Variants in TNFRSF1A observed in about 807,000 individuals in gnomAD.
TNFRSF1A encodes TNF receptor superfamily member 1A.
In TNFRSF1A, 9 loss-of-function variants were observed where a neutral mutation model predicts 41.6. That is an observed-to-expected ratio of 0.22 (90% confidence interval 0.13 to 0.38). TNFRSF1A has a LOEUF of 0.38. Among genes scored for constraint, TNFRSF1A ranks in the 10% least tolerant of loss-of-function variants. TNFRSF1A has a pLI of 1.00. For missense variants in TNFRSF1A, 463 were observed against 591.5 expected (o/e 0.78, Z 2.25); for synonymous variants, 254 against 248.6 (o/e 1.02, Z -0.21).
Position 6,329,874 on chromosome 12 carries a change from C to T in TNFRSF1A, c.961G>A (p.Ala321Thr). 6.3e-7 allele frequency: 1 copy of T among 1,592,536 alleles called. No homozygotes were observed. The highest frequency in any genetic ancestry group is 8.6e-7 in the Non-Finnish European group (1 of 1,169,270). The change falls in exon 9 of 10, where the codon GCT becomes ACT. Residue 321 changes from alanine to threonine, a missense_variant. Coordinates refer to ENST00000162749, the MANE Select transcript of TNFRSF1A (RefSeq NM_001065.4). Reference sequence around the variant, plus strand: ...AGGGCTGTCGCAAGGATGGGGTCAGCCCCCTGATAGGGTGGTGCCACCTCT... The same window carrying T: ...AGGGCTGTCGCAAGGATGGGGTCAGTCCCCTGATAGGGTGGTGCCACCTCT... ...RREVAPPYQG[A>T]DPILATALAS...
Position 6,335,119 on chromosome 12 carries a change from T to C in TNFRSF1A, c.40-875A>G, listed in dbSNP as rs75534229. ...TCCCGTGAGCACCACTCCTGGGGAGTGGACAGAAGAAGGAAGTTTATTTAC... is the reference window on the plus strand; with the variant it reads ...TCCCGTGAGCACCACTCCTGGGGAGCGGACAGAAGAAGGAAGTTTATTTAC... On this transcript the variant is annotated intron_variant, in intron 1 of 9. Transcript: ENST00000162749. Among the ~76,000 whole-genome samples the C allele has an allele frequency of 9.8e-3, 1,488 of 151,860 alleles. 14 individuals are homozygous for C. Among genetic ancestry groups the C allele is most frequent in the Middle Eastern group, 0.017 (5 of 294 alleles).
rs200194581 is a variant in TNFRSF1A at position 6,333,360 on chromosome 12, C to T, written c.472+7G>A. The T allele has an allele frequency of 1.2e-5, 19 of 1,612,882 alleles. No individual in the cohort carries two copies. Among genetic ancestry groups the T allele is most frequent in the East Asian group, 4.5e-5 (2 of 44,846 alleles). Reference sequence around the variant, plus strand: ...AGAGGGCTTGGCCTCAGGAGAGCTGCGCTCACAGGAGAGGTGCACGGTCCC... The same window carrying T: ...AGAGGGCTTGGCCTCAGGAGAGCTGTGCTCACAGGAGAGGTGCACGGTCCC... On this transcript the variant is annotated splice_region_variant and intron_variant, in intron 4 of 9. Transcript: ENST00000162749. This position sits in a 1 kb window ranked among gnomAD's most constrained non-coding sequence, Gnocchi z 6.3.
Position 6,341,230 on chromosome 12 carries a change from C to G in TNFRSF1A, c.39+546G>C, listed in dbSNP as rs980605698. On this transcript the variant is annotated intron_variant, in intron 1 of 9. Transcript: ENST00000162749. The surrounding 1 kb of genome is among the most constrained non-coding windows in gnomAD (Gnocchi z 4.6). ...TCCCACCATGAGCATCCCAAACCCA[C>G]CACACCAGCCCATCCCCACTCCTCA... is the stretch of plus-strand genomic sequence containing the variant. 5.3e-5 allele frequency among the ~76,000 whole-genome samples: 8 copies of G among 152,158 alleles called. No individual in the cohort carries two copies. The highest frequency in any genetic ancestry group is 4.4e-5 in the Non-Finnish European group (3 of 68,014).
chr12:6,341,703 C>T lies in TNFRSF1A; in HGVS notation c.39+73G>A. On this transcript the variant is annotated intron_variant, in intron 1 of 9. Coordinates refer to ENST00000162749, the MANE Select transcript of TNFRSF1A (RefSeq NM_001065.4). The surrounding 1 kb of genome is among the most constrained non-coding windows in gnomAD (Gnocchi z 4.6). ...CCGGGCAGGAGAGGCTCGGCCCCCT[C>T]CCGGAGAGGGCCCACGCCAGCCGGA... The T allele has an allele frequency of 1.3e-6, 2 of 1,584,220 alleles. No homozygotes were observed. The highest frequency in any genetic ancestry group is 1.1e-5 in the South Asian group (1 of 89,732).
chr12:6,333,086 C>T lies in TNFRSF1A; in HGVS notation c.534G>A (p.Glu178=), dbSNP rs371565932. 1 of 1,614,206 alleles carries T rather than the reference C, an allele frequency of 6.2e-7. No homozygotes were observed. Among genetic ancestry groups the T allele is most frequent in the Non-Finnish European group, 8.5e-7 (1 of 1,180,034 alleles). The change falls in exon 5 of 10, where the codon GAG becomes GAA. Residue 178 remains glutamate (E), a synonymous_variant. Transcript: ENST00000162749. This position sits in a 1 kb window ranked among gnomAD's most constrained non-coding sequence, Gnocchi z 6.3. The part of the protein sequence containing the change: ...CHAGFFLREN[E]CVSCSNCKKS... ...ATACTCACTTACTACAGGAGACACA[C>T]TCGTTTTCTCTTAGAAAGAAACCTG...
intron 1 of TNFRSF1A, among the ~76,000 whole-genome samples, chr12:6,335,804 A>T (rs1478778004): frequency 1.3e-5 from 2 of 152,158 alleles, no homozygotes; most frequent in African/African-American, 2.4e-5. Context: ...TGAGTCAGCC[A>T]CGGGGAGACG....
rs1370016336 is a variant in TNFRSF1A, at chr12:6,341,460, C to G, written c.39+316G>C. 6.6e-6 allele frequency among the ~76,000 whole-genome samples: 1 copy of G among 152,272 alleles called. No homozygotes were observed. The highest frequency in any genetic ancestry group is 1.5e-5 in the Non-Finnish European group (1 of 68,054). On this transcript the variant is annotated intron_variant, in intron 1 of 9. Coordinates refer to ENST00000162749, the MANE Select transcript of TNFRSF1A (RefSeq NM_001065.4). The surrounding 1 kb of genome is among the most constrained non-coding windows in gnomAD (Gnocchi z 4.6). The stretch of plus-strand genomic sequence containing the variant: ...CTTCTTTTCCCCGCCAAATCTGCCC[C>G]ACCCTGGGCCTATCTCCTGCCCACA...
rs1186624609 is a variant in TNFRSF1A, at chr12:6,341,513, C to T, written c.39+263G>A. ...CCCTTGGCCGCCCACAAACTTCCAC[C>T]GCTGTCAGGGGCCAGGGCTTCCTTT... On this transcript the variant is annotated intron_variant, in intron 1 of 9. Transcript: ENST00000162749. The surrounding 1 kb of genome is among the most constrained non-coding windows in gnomAD (Gnocchi z 4.6). Among the ~76,000 whole-genome samples the T allele has an allele frequency of 2.0e-5, 3 of 152,372 alleles. No individual in the cohort carries two copies. The highest frequency in any genetic ancestry group is 3.9e-4 in the East Asian group (2 of 5,186).
At position 6,333,069 on chromosome 12, in the gene TNFRSF1A, T is replaced by G; in HGVS notation, c.551A>C (p.Asn184Thr). ...LRENECVSCS[N>T]CKKSLECTKL... is the part of the protein sequence containing the mutation. ...CCCAGCAGCTCTCAGAGATACTCACTTACTACAGGAGACACACTCGTTTTC... is the reference window on the plus strand; with the variant it reads ...CCCAGCAGCTCTCAGAGATACTCACGTACTACAGGAGACACACTCGTTTTC... Residue 184 changes from asparagine to threonine, a missense_variant and splice_region_variant, in exon 5 of 10, where the codon AAC becomes ACC. Physicochemically the swap from Asn to Thr is moderately conservative, Grantham distance 65. Around this residue, in one of 4 missense-constraint regions of TNFRSF1A, gnomAD observed 149 missense variants for 239.4 expected, o/e 0.62. Transcript: ENST00000162749. This position sits in a 1 kb window ranked among gnomAD's most constrained non-coding sequence, Gnocchi z 6.3. 6.2e-7 allele frequency: 1 copy of G among 1,613,894 alleles called. No individual in the cohort carries two copies. The highest frequency in any genetic ancestry group is 2.2e-5 in the East Asian group (1 of 44,878).
rs1015240240 is a variant in TNFRSF1A at position 6,330,379 on chromosome 12, G to A, written c.740-84C>T. The A allele has an allele frequency of 5.2e-6, 7 of 1,339,490 alleles. No homozygotes were observed. The South Asian group carries it at 5.9e-5, about 11-fold the overall frequency. The allele number at this position is 1,339,490 out of a possible 1,614,324, so 83.0% of individuals were successfully genotyped here. ...TGGACTCAGCTGGCAGTGGGGACTTGTGGTGACATGCCTCAGGGCCTATGT... is the reference window on the plus strand; with the variant it reads ...TGGACTCAGCTGGCAGTGGGGACTTATGGTGACATGCCTCAGGGCCTATGT... On this transcript the variant is annotated intron_variant, in intron 7 of 9. Coordinates refer to ENST00000162749, the MANE Select transcript of TNFRSF1A (RefSeq NM_001065.4).
Position 6,329,752 on chromosome 12 carries a change from C to T in TNFRSF1A, c.1057+26G>A, listed in dbSNP as rs200026023. On this transcript the variant is annotated intron_variant, in intron 9 of 9. Coordinates refer to ENST00000162749, the MANE Select transcript of TNFRSF1A (RefSeq NM_001065.4). ...TCCCCCGGCCCTCCCCCAGCCTCCT[C>T]GTCTCCAGCCGCGGGAGAAACTCAC... The T allele has an allele frequency of 3.2e-4, 505 of 1,586,692 alleles. 1 individual carries two copies. Among genetic ancestry groups the T allele is most frequent in the Non-Finnish European group, 6.0e-5 (70 of 1,166,796 alleles).
intron 6 of TNFRSF1A, 32 bp downstream of exon 6, chr12:6,330,821 G>A (rs762013205): frequency 6.2e-7 from 1 of 1,605,682 alleles, no homozygotes; most frequent in Admixed American, 1.7e-5. Context: ...GAGAGGGCAG[G>A]TGAGCATGGG....
intron 5 of TNFRSF1A, among the ~76,000 whole-genome samples, chr12:6,332,177 A>T (rs1948058826): frequency 6.6e-6 from 1 of 152,064 alleles, no homozygotes; most frequent in Non-Finnish European, 1.5e-5. Context: ...GTGGTGGCTC[A>T]TGCCCGTAAT....
In TNFRSF1A at chr12:6,334,025, G is replaced by A; in HGVS notation, c.193+66C>T. 6.2e-7 allele frequency: 1 copy of A among 1,611,784 alleles called. No individual in the cohort carries two copies. Among genetic ancestry groups the A allele is most frequent in the Non-Finnish European group, 8.5e-7 (1 of 1,177,968 alleles). Reference sequence around the variant, plus strand: ...ACAGCAAAGTTAGGGAAGAACAACTGGAAGAAGCAGAGAAAGAAGCAGCAC... The same window carrying A: ...ACAGCAAAGTTAGGGAAGAACAACTAGAAGAAGCAGAGAAAGAAGCAGCAC... On this transcript the variant is annotated intron_variant, in intron 2 of 9. Coordinates refer to ENST00000162749, the MANE Select transcript of TNFRSF1A (RefSeq NM_001065.4). The surrounding 1 kb of genome is among the most constrained non-coding windows in gnomAD (Gnocchi z 5.1).
chr12:6,333,005 C>T lies in TNFRSF1A; in HGVS notation c.551+64G>A. 1 of 1,482,622 alleles carries T rather than the reference C, an allele frequency of 6.7e-7. No homozygotes were observed. Among genetic ancestry groups the T allele is most frequent in the Non-Finnish European group, 9.4e-7 (1 of 1,061,614 alleles). 91.8% of individuals were successfully genotyped at this position (1,482,622 alleles called of 1,614,324 possible). On this transcript the variant is annotated intron_variant, in intron 5 of 9. Transcript: ENST00000162749. This position sits in a 1 kb window ranked among gnomAD's most constrained non-coding sequence, Gnocchi z 6.3. ...GCATCTGTTGCCCAGCTAATGGTTC[C>T]CACCAGTCACCCGTCCCAACCCATG...
At position 6,329,359 on chromosome 12, in the gene TNFRSF1A, G is replaced by T; in HGVS notation, c.1321C>A (p.Leu441Ile). 1 of 1,491,976 alleles carries T rather than the reference G, an allele frequency of 6.7e-7. No homozygotes were observed. The allele number at this position is 1,491,976 out of a possible 1,614,324, so 92.4% of individuals were successfully genotyped here. A position where few individuals can be genotyped will look rare whatever the true frequency, so the allele number is the denominator to read the frequency against. The change falls in exon 10 of 10, where the codon CTT becomes ATT. Residue 441 changes from leucine to isoleucine, a missense_variant. Coordinates refer to ENST00000162749, the MANE Select transcript of TNFRSF1A (RefSeq NM_001065.4). ...LGCLEDIEEALCGPAALPPAP... is the reference protein window; with the variant it reads ...LGCLEDIEEAICGPAALPPAP... The stretch of plus-strand genomic sequence containing the variant: ...GGCGGGAGGGCGGCGGGGCCGCAAA[G>T]CGCCTCCTCGATGTCCTCCAGGCAG...
intron 8 of TNFRSF1A, 38 bp downstream of exon 8, chr12:6,330,229 C>T: frequency 6.2e-7 from 1 of 1,614,090 alleles, no homozygotes; most frequent in Non-Finnish European, 8.5e-7. Flanking sequence ...AAGGAATGGT[C>T]AGGGACATTT....
chr12:6,341,949 C>T lies in TNFRSF1A; in HGVS notation c.-135G>A, dbSNP rs200370780. 4.3e-5 allele frequency: 38 copies of T among 887,348 alleles called. No homozygotes were observed. Among genetic ancestry groups the T allele is most frequent in the Non-Finnish European group, 6.6e-5 (36 of 542,352 alleles). The allele number at this position is 887,348 out of a possible 1,614,324, so 55.0% of individuals were successfully genotyped here. ...GGGGTGACAGTTGAGGGTTGAGACTCGGGCATAGAGATCACGGCCTGGTCC... is the reference window on the plus strand; with the variant it reads ...GGGGTGACAGTTGAGGGTTGAGACTTGGGCATAGAGATCACGGCCTGGTCC... On this transcript the variant is annotated 5_prime_UTR_variant, in exon 1 of 10. Coordinates refer to ENST00000162749, the MANE Select transcript of TNFRSF1A (RefSeq NM_001065.4). The surrounding 1 kb of genome is among the most constrained non-coding windows in gnomAD (Gnocchi z 4.6).
intron 1 of TNFRSF1A, among the ~76,000 whole-genome samples, chr12:6,340,977 G>A (rs1455064406): frequency 6.6e-6 from 1 of 152,222 alleles, no homozygotes; most frequent in East Asian, 1.9e-4. Context: ...AGGTCTGTGA[G>A]AAGCAGCGGG....
Sources: allele counts gnomAD v4.1 joint callset (sites outside exome capture counted in the v4.1 genomes callset), GRCh38; gene constraint gnomAD v4.1.1; regional missense constraint gnomAD v4.1.1; non-coding constraint Gnocchi (gnomAD v3.1); transcripts MANE v1.5; gene names NCBI Gene and HGNC (gene_info 2026-07-23, HGNC 2026-07-21).